UBN2: variants seen among roughly 807,000 people sequenced by gnomAD.
UBN2 encodes ubinuclein 2, also known as ubinuclein-2.
UBN2 carries 35 observed loss-of-function variants against 120.2 expected under a neutral mutation model. That is an observed-to-expected ratio of 0.29 (90% CI 0.22 to 0.39). UBN2 has a LOEUF of 0.39. Ranked by LOEUF, UBN2 falls within the 10% of genes least tolerant of loss-of-function variation. The probability of loss-of-function intolerance (pLI) is 1.00; values close to 1 mark genes in which losing one functional copy is unlikely to be tolerated. For missense variants in UBN2, 1,693 were observed against 1,663.2 expected, an observed-to-expected ratio of 1.02 and a Z score of -0.31; for synonymous variants, 661 against 648.7, an observed-to-expected ratio of 1.02 and a Z score of -0.29.
At chr7:139,313,309 A>G in the UBN2 span, among the ~76,000 whole-genome samples, 2 of 152,222 alleles carry the variant, frequency 1.3e-5, no homozygotes, top group East Asian at 1.9e-4. Context: ...AAACTTCTCT[A>G]TGAAGGTCTT....
intron 3 of UBN2, among the ~76,000 whole-genome samples, chr7:139,253,512 A>G (rs376227734): frequency 2.0e-5 from 3 of 152,210 alleles, no homozygotes; most frequent in African/African-American, 7.2e-5. Flanking sequence ...GACATCTCTA[A>G]TATCTGTTCA....
At position 139,279,273 on chromosome 7, in the gene UBN2, A is replaced by G. The variant is rs374998365; in HGVS notation, c.2025-45A>G. On this transcript the variant is annotated intron_variant, in intron 12 of 17. Transcript: ENST00000473989. Reference sequence around the variant, plus strand: ...AAGCTATATAACTTTCTAATGAGCAATATAACTGCTACTGAAATAGCCTTT... The same window carrying G: ...AAGCTATATAACTTTCTAATGAGCAGTATAACTGCTACTGAAATAGCCTTT... 10 of 1,452,934 alleles carry G rather than the reference A, an allele frequency of 6.9e-6. No individual in the cohort carries two copies. The African/African-American group carries it at 7.0e-5, about 10-fold the overall frequency. 90.0% of individuals were successfully genotyped at this position (1,452,934 alleles called of 1,614,324 possible). A position where few individuals can be genotyped will look rare whatever the true frequency, so the allele number is the denominator to read the frequency against.
chr7:139,272,358 C>T lies in UBN2; in HGVS notation c.1633C>T (p.Leu545=), dbSNP rs1563217129. 1.2e-6 allele frequency: 2 copies of T among 1,613,366 alleles called. No homozygotes were observed. Among genetic ancestry groups the T allele is most frequent in the Admixed American group, 1.7e-5 (1 of 59,824 alleles). The change falls in exon 9 of 18, where the codon CTG becomes TTG. Residue 545 remains leucine, a synonymous_variant. Transcript: ENST00000473989. ...AAGAGAACCTCTGCAAAAACTGAAACTGGCTGTTAGCAATGTCATGCCTGA... is the reference window on the plus strand; with the variant it reads ...AAGAGAACCTCTGCAAAAACTGAAATTGGCTGTTAGCAATGTCATGCCTGA... ...RLREPLQKLK[L]AVSNVMPEQL... is the part of the protein sequence containing the mutation.
intron 2 of UBN2, among the ~76,000 whole-genome samples, chr7:139,248,171 A>C (rs892677665): frequency 9.2e-5 from 14 of 152,192 alleles, no homozygotes; most frequent in Non-Finnish European, 2.1e-4. Context: ...TTTGACTCTA[A>C]GTAATGGTTC....
intron 4 of UBN2, 79 bp from the exon 5 acceptor site, chr7:139,259,188 C>T: frequency 6.4e-7 from 1 of 1,551,516 alleles, no homozygotes. Context: ...AGAAAAACCA[C>T]TGCTGATGCT....
intron 2 of UBN2, among the ~76,000 whole-genome samples, chr7:139,250,183 C>CT (rs1340160657): frequency 6.6e-6 from 1 of 152,048 alleles, no homozygotes; most frequent in African/African-American, 2.4e-5. Context: ...CCAAGGTGAG[C>CT]TATAACCATA....
chr7:139,279,418 C>A, intron 13 of UBN2, 58 bp downstream of exon 13: 1 of 1,359,498 alleles, frequency 7.4e-7, no homozygotes, highest in Non-Finnish European at 1.0e-6. Flanking sequence ...GAAATACATT[C>A]CTAAGATGAA....
chr7:139,273,860 A>G, intron 10 of UBN2, 71 bp from the exon 11 acceptor site: 1 of 1,313,604 alleles, frequency 7.6e-7, no homozygotes, highest in Non-Finnish European at 1.0e-6. Flanking sequence ...TTTTTCACAT[A>G]ATCTGTATTA....
the UBN2 span, among the ~76,000 whole-genome samples, chr7:139,314,369 C>T: frequency 3.3e-5 from 5 of 151,174 alleles, no homozygotes; most frequent in South Asian, 2.1e-4. Context: ...GCAGGAGAAT[C>T]GCTTGAACCC....
chr7:139,266,058 T>G (rs906987035), intron 6 of UBN2, among the ~76,000 whole-genome samples: 1 of 151,510 alleles, frequency 6.6e-6, no homozygotes, highest in African/African-American at 2.4e-5. Context: ...TGTTAGGAGA[T>G]TCTTTTTTTT....
the UBN2 span, among the ~76,000 whole-genome samples, chr7:139,323,553 C>CTGATGATGATGA: frequency 2.2e-5 from 3 of 139,110 alleles, no homozygotes; most frequent in African/African-American, 8.1e-5. Context: ...GCTTCTGGAC[C>CTGATGATGATGA]TGATTATTAT....
Position 139,261,246 on chromosome 7 carries a change from T to A in UBN2, c.906-6T>A, listed in dbSNP as rs1398377882. ...ATAGCCTAACTGATCATTTTTGTCT[T>A]CACAGAGTTGTGGCTCTAAATTCAC... On this transcript the variant is annotated splice_region_variant and splice_polypyrimidine_tract_variant and intron_variant, in intron 5 of 17. Coordinates refer to ENST00000473989, the MANE Select transcript of UBN2 (RefSeq NM_173569.4). 6.3e-7 allele frequency: 1 copy of A among 1,593,948 alleles called. No homozygotes were observed. Among genetic ancestry groups the A allele is most frequent in the African/African-American group, 1.4e-5 (1 of 73,536 alleles).
At chr7:139,266,484 T>C (rs1797103696) in intron 7 of UBN2, 81 bp downstream of exon 7, 9 of 738,910 alleles carry the variant, frequency 1.2e-5, no homozygotes, top group Non-Finnish European at 1.8e-5. Context: ...ACTGAGTGGT[T>C]GGCAAGTCTT....
downstream of UBN2, among the ~76,000 whole-genome samples, chr7:139,309,022 G>C (rs538866398): frequency 6.6e-6 from 1 of 152,156 alleles, no homozygotes; most frequent in Non-Finnish European, 1.5e-5. Context: ...AGCCGAGATT[G>C]CACCACTGCA....
downstream of UBN2, among the ~76,000 whole-genome samples, chr7:139,309,662 G>A (rs1448884689): frequency 6.6e-6 from 1 of 152,100 alleles, no homozygotes; most frequent in East Asian, 1.9e-4. Context: ...CCTGAGGTCG[G>A]GAATTTGAGA....
chr7:139,243,689 C>T (rs1796383753), intron 2 of UBN2, among the ~76,000 whole-genome samples: 1 of 152,016 alleles, frequency 6.6e-6, no homozygotes, highest in Non-Finnish European at 1.5e-5. Context: ...TAGAAGTTTT[C>T]CAGGAAGGCC....
At chr7:139,274,802 T>G (rs1202741011) in intron 11 of UBN2, among the ~76,000 whole-genome samples, 1 of 150,076 alleles carries the variant, frequency 6.7e-6, no homozygotes, top group Admixed American at 6.6e-5. Flanking sequence ...AAATAGTCAG[T>G]GTAGGCCAGG....
chr7:139,260,536 C>T (rs1796898096), intron 5 of UBN2, among the ~76,000 whole-genome samples: 2 of 152,146 alleles, frequency 1.3e-5, no homozygotes, highest in South Asian at 2.1e-4. Flanking sequence ...GCTTTTTTCA[C>T]AGAGCTAAGG....
intron 2 of UBN2, among the ~76,000 whole-genome samples, chr7:139,246,470 C>T (rs764840366): frequency 1.3e-4 from 20 of 152,142 alleles, no homozygotes; most frequent in Non-Finnish European, 2.5e-4. Flanking sequence ...GGAAAGGAAG[C>T]TGTAGATATG....
Sources: gnomAD v4.1 joint callset for allele counts (sites outside exome capture counted in the v4.1 genomes callset) on GRCh38, gnomAD v4.1.1 for gene constraint, MANE v1.5 for transcripts, NCBI Gene and HGNC (gene_info 2026-07-23, HGNC 2026-07-21) for gene names.